Variants in SOHLH2 observed in about 807,000 individuals in gnomAD.
SOHLH2 encodes the protein spermatogenesis- and oogenesis-specific basic helix-loop-helix-containing protein 2.
A neutral mutation model predicts 50.4 loss-of-function variants in SOHLH2; 22 were observed. The observed-to-expected ratio is 0.44, with a 90% CI of 0.31 to 0.62. The LOEUF (loss-of-function observed/expected upper bound fraction) is 0.62, where lower values mean the gene tolerates loss of function less well. Among genes scored for constraint, SOHLH2 ranks in the 20% least tolerant of loss-of-function variants. SOHLH2 has a pLI of 0.08. For synonymous variants in SOHLH2, 185 were observed against 187.3 expected (o/e 0.99, Z 0.10); for missense variants, 412 against 504.4 (o/e 0.82, Z 1.76).
Position 36,168,896 on chromosome 13 carries a change from CA to C in SOHLH2, c.*137del. On this transcript the variant is annotated 3_prime_UTR_variant, in exon 11 of 11. Transcript: ENST00000379881. Reference sequence around the variant, plus strand: ...CTGCAGAAGCTTTGAGTGCATTTATCAGAAGCCAAACCATGCCAACTCTTTT... The same window carrying C: ...CTGCAGAAGCTTTGAGTGCATTTATCGAAGCCAAACCATGCCAACTCTTTT... 1 of 1,405,114 alleles carries C rather than the reference CA, an allele frequency of 7.1e-7. No homozygotes were observed. The highest frequency in any genetic ancestry group is 1.7e-5 in the South Asian group (1 of 59,490). The allele number at this position is 1,405,114 out of a possible 1,614,324, so 87.0% of individuals were successfully genotyped here.
rs547008738 is a variant in SOHLH2 at position 36,209,431 on chromosome 13, C to T, written c.48+5048G>A. 3.3e-5 allele frequency among the ~76,000 whole-genome samples: 5 copies of T among 151,982 alleles called. No homozygotes were observed. In the South Asian group the frequency reaches 8.3e-4, roughly 25 times the overall value. On this transcript the variant is annotated intron_variant, in intron 1 of 10. Coordinates refer to ENST00000379881, the MANE Select transcript of SOHLH2 (RefSeq NM_017826.3). ...AACAACAGAAATTTATTTCTCAGCT[C>T]AGAGGTTGGGAAGTCCAAGATCACA... is the stretch of plus-strand genomic sequence containing the variant.
At chr13:36,210,492 A>G (rs945418675) in intron 1 of SOHLH2, among the ~76,000 whole-genome samples, 1 of 151,950 alleles carries the variant, frequency 6.6e-6, no homozygotes, top group Non-Finnish European at 1.5e-5. Context: ...CCAAGATCCC[A>G]TTAAGAACTA....
chr13:36,202,180 C>G, intron 1 of SOHLH2, 87 bp from the exon 2 acceptor site: 2 of 1,499,216 alleles, frequency 1.3e-6, no homozygotes, highest in Non-Finnish European at 1.8e-6. Flanking sequence ...ATAAATAAAG[C>G]TCACAAATAA....
In SOHLH2 at chr13:36,174,712, A is replaced by G. The variant is rs991882227; in HGVS notation, c.789+10T>C. The G allele has an allele frequency of 3.1e-6, 5 of 1,594,388 alleles. No individual in the cohort carries two copies. Among genetic ancestry groups the G allele is most frequent in the Non-Finnish European group, 4.3e-6 (5 of 1,173,606 alleles). On this transcript the variant is annotated intron_variant, in intron 7 of 10. Coordinates refer to ENST00000379881, the MANE Select transcript of SOHLH2 (RefSeq NM_017826.3). ...TAAGGATAAAATTCAAAGCTTTGGG[A>G]GTCAAATACCTGGGCCATAACGGCT...
At chr13:36,211,220 G>C (rs1593965141) in intron 1 of SOHLH2, among the ~76,000 whole-genome samples, 1 of 152,304 alleles carries the variant, frequency 6.6e-6, no homozygotes. Context: ...AATGAAAGGA[G>C]GTGCCATTAA....
intron 6 of SOHLH2, among the ~76,000 whole-genome samples, chr13:36,184,133 C>A (rs1887334306): frequency 6.6e-6 from 1 of 152,018 alleles, no homozygotes. Context: ...CAGAAAATAA[C>A]AAAGGACAGA....
intron 1 of SOHLH2, among the ~76,000 whole-genome samples, chr13:36,204,969 C>G (rs1250552081): frequency 6.6e-6 from 1 of 152,092 alleles, no homozygotes; most frequent in Non-Finnish European, 1.5e-5. Context: ...TGCATGTGTC[C>G]TAGCATGTAT....
intron 2 of SOHLH2, among the ~76,000 whole-genome samples, chr13:36,195,390 A>G (rs1389689754): frequency 7.2e-5 from 11 of 152,280 alleles, no homozygotes; most frequent in Admixed American, 5.9e-4. Context: ...AAGGTACAAG[A>G]TGTCCAGGAA....
intron 10 of SOHLH2, 53 bp downstream of exon 10, chr13:36,170,478 T>G: frequency 6.4e-7 from 1 of 1,574,060 alleles, no homozygotes; most frequent in Non-Finnish European, 8.6e-7. Flanking sequence ...CAGGGGTTTC[T>G]GCTGGCTGGA....
At chr13:36,188,456 C>A (rs1309317597) in intron 6 of SOHLH2, among the ~76,000 whole-genome samples, 2 of 152,182 alleles carry the variant, frequency 1.3e-5, no homozygotes, top group Admixed American at 1.3e-4. Flanking sequence ...GTAAATACTT[C>A]ACACCTTCAT....
chr13:36,170,469 AG>A, intron 10 of SOHLH2, 61 bp downstream of exon 10: 3 of 1,558,988 alleles, frequency 1.9e-6, no homozygotes, highest in Non-Finnish European at 2.6e-6. Context: ...AATGCAGGTC[AG>A]GGGTTTCTGC....
intron 1 of SOHLH2, among the ~76,000 whole-genome samples, chr13:36,211,534 T>C (rs942467450): frequency 6.6e-6 from 1 of 152,156 alleles, no homozygotes; most frequent in Non-Finnish European, 1.5e-5. Context: ...CCTTGGAATA[T>C]AGGAAGAATA....
At chr13:36,206,626 A>G (rs1278108714) in intron 1 of SOHLH2, among the ~76,000 whole-genome samples, 2 of 151,940 alleles carry the variant, frequency 1.3e-5, no homozygotes, top group Non-Finnish European at 2.9e-5. Context: ...TTAATCGTCC[A>G]TGGGTACTTG....
In SOHLH2 at chr13:36,173,864, C is replaced by T; in HGVS notation, c.882-54G>A. On this transcript the variant is annotated intron_variant, in intron 8 of 10. Transcript: ENST00000379881. ...CATTTTTCAAGGAAAACAATGTGGA[C>T]ACTGCTGAGTTCAATTGCCCTTTTA... 6 of 1,595,420 alleles carry T rather than the reference C, an allele frequency of 3.8e-6. No homozygotes were observed. The Admixed American group carries it at 5.1e-5, about 13-fold the overall frequency.
chr13:36,174,352 T>G (rs750527439), intron 8 of SOHLH2, 124 bp downstream of exon 8: 6 of 1,260,500 alleles, frequency 4.8e-6, no homozygotes, highest in Non-Finnish European at 5.5e-6. Context: ...ATTAGAAAAG[T>G]TCGCTGACCC....
intron 6 of SOHLH2, chr13:36,182,789 A>G (rs1229857977): frequency 6.6e-6 from 1 of 152,238 alleles, no homozygotes; most frequent in Admixed American, 6.5e-5. Context: ...TCCACTACCA[A>G]GTTTCAGAGT....
At chr13:36,210,696 C>T (rs1168242007) in intron 1 of SOHLH2, among the ~76,000 whole-genome samples, 1 of 152,170 alleles carries the variant, frequency 6.6e-6, no homozygotes, top group African/African-American at 2.4e-5. Context: ...GTACCCTACT[C>T]TAAACAGGAT....
intron 8 of SOHLH2, among the ~76,000 whole-genome samples, chr13:36,174,260 G>A (rs543634286): frequency 6.6e-6 from 1 of 152,164 alleles, no homozygotes; most frequent in South Asian, 2.1e-4. Flanking sequence ...GGAGAAGCAA[G>A]GGTGAGTCAC....
intron 8 of SOHLH2, 29 bp downstream of exon 8, chr13:36,174,447 C>T (rs777977332): frequency 6.2e-7 from 1 of 1,608,854 alleles, no homozygotes; most frequent in Admixed American, 1.7e-5. Context: ...AACTAGCAGA[C>T]TTCAGATTCG....
Sources: allele counts gnomAD v4.1 joint callset (sites outside exome capture counted in the v4.1 genomes callset), GRCh38; gene constraint gnomAD v4.1.1; transcripts MANE v1.5; gene names NCBI Gene and HGNC (gene_info 2026-07-23, HGNC 2026-07-21).